NOTCH3: variants seen among roughly 807,000 people sequenced by gnomAD.
NOTCH3 encodes the protein notch receptor 3.
Under a neutral mutation model 213.3 loss-of-function variants are expected in NOTCH3, and 86 were observed. The observed-to-expected ratio is 0.40, with a 90% CI of 0.34 to 0.48. NOTCH3 has a LOEUF of 0.48. Ranked by LOEUF, NOTCH3 falls within the 20% of genes least tolerant of loss-of-function variation. NOTCH3 has a pLI of 0.57. For missense variants in NOTCH3, 2,783 were observed against 3,272.6 expected (o/e 0.85, Z 3.65); for synonymous variants, 1,354 against 1,355.9 (o/e 1.00, Z 0.03).
rs1335669035 is a variant in NOTCH3 at position 15,159,408 on chromosome 19, T to C, written c.*1254A>G. ...ACCAACTGACAACTTTCTTAGCCTC[T>C]CCATTAAAGAAAGTTCTCGAGCAAA... On this transcript the variant is annotated 3_prime_UTR_variant, in exon 33 of 33. Coordinates refer to ENST00000263388, the MANE Select transcript of NOTCH3 (RefSeq NM_000435.3). The C allele has an allele frequency of 5.6e-6, 1 of 177,664 alleles. No homozygotes were observed. The highest frequency in any genetic ancestry group is 9.6e-5 in the East Asian group (1 of 10,446). 11.0% of individuals were successfully genotyped at this position (177,664 alleles called of 1,614,324 possible). A position where few individuals can be genotyped will look rare whatever the true frequency, so the allele number is the denominator to read the frequency against.
At chr19:15,193,461 G>A (rs1221062931) in intron 2 of NOTCH3, among the ~76,000 whole-genome samples, 2 of 151,998 alleles carry the variant, frequency 1.3e-5, no homozygotes, top group Non-Finnish European at 2.9e-5. Flanking sequence ...ATCCACCTGG[G>A]CCCTAAATTC....
In NOTCH3 at chr19:15,177,878, G is replaced by C; in HGVS notation, c.4050C>G (p.Cys1350Trp). Residue 1350 changes from cysteine to tryptophan, a missense_variant, in exon 24 of 33, where the codon TGC becomes TGG. By Grantham distance (215) the Cys-to-Trp change is radical (BLOSUM62 -2). This residue lies in a region of NOTCH3 where 133 missense variants were observed against 201.9 expected (regional missense o/e 0.66). Transcript: ENST00000263388. ...AGAAGGGCGCGAGCGGCGCGGGGCGGCAGGAGCCCCCGTGGAGACAGGGGG... is the reference window on the plus strand; with the variant it reads ...AGAAGGGCGCGAGCGGCGCGGGGCGCCAGGAGCCCCCGTGGAGACAGGGGG... ...AAAPCLHGGS[C>W]RPAPLAPFFR... The C allele has an allele frequency of 8.1e-7, 1 of 1,234,780 alleles. No homozygotes were observed. Among genetic ancestry groups the C allele is most frequent in the Non-Finnish European group, 1.0e-6 (1 of 990,730 alleles). 76.5% of individuals were successfully genotyped at this position (1,234,780 alleles called of 1,614,324 possible). A position where few individuals can be genotyped will look rare whatever the true frequency, so the allele number is the denominator to read the frequency against.
Position 15,160,006 on chromosome 19 carries a change from A to G in NOTCH3, c.*656T>C, listed in dbSNP as rs754043656. 18 of 230,380 alleles carry G rather than the reference A, an allele frequency of 7.8e-5. No homozygotes were observed. The highest frequency in any genetic ancestry group is 1.4e-4 in the Non-Finnish European group (16 of 116,168). The allele number at this position is 230,380 out of a possible 1,614,324, so 14.3% of individuals were successfully genotyped here. A position where few individuals can be genotyped will look rare whatever the true frequency, so the allele number is the denominator to read the frequency against. ...ATGGAACATGTCCCATCTGGAATGC[A>G]GTGAAGTGAGGGAGGTGGGGTGGGG... is the stretch of plus-strand genomic sequence containing the variant. On this transcript the variant is annotated 3_prime_UTR_variant, in exon 33 of 33. Transcript: ENST00000263388.
intron 6 of NOTCH3, among the ~76,000 whole-genome samples, chr19:15,190,270 T>C (rs1047089098): frequency 1.4e-4 from 22 of 152,052 alleles, no homozygotes; most frequent in Non-Finnish European, 1.9e-4. Flanking sequence ...TGAGACTCTG[T>C]CTCAAAAATA....
At chr19:15,184,790 C>T (rs779042913) in intron 15 of NOTCH3, 116 bp downstream of exon 15, 13 of 667,098 alleles carry the variant, frequency 1.9e-5, no homozygotes, top group Non-Finnish European at 3.5e-5. Flanking sequence ...AAGAAGGAAG[C>T]CCCTCTCAAA....
Position 15,190,843 on chromosome 19 carries a change from T to C in NOTCH3, c.1036+581A>G, listed in dbSNP as rs577863488. On this transcript the variant is annotated intron_variant, in intron 6 of 32. Transcript: ENST00000263388. ...CTCAAGCAATCTACCCGCCTGGGCC[T>C]CCCAATGTGTTGGGGTTACAGGCGT... Among the ~76,000 whole-genome samples the C allele has an allele frequency of 4.6e-5, 7 of 152,264 alleles. No homozygotes were observed. The South Asian group carries it at 1.5e-3, about 32-fold the overall frequency.
In NOTCH3 at chr19:15,180,143, C is replaced by G. The variant is rs781765705; in HGVS notation, c.3256G>C (p.Asp1086His). Residue 1086 changes from aspartate (D) to histidine (H), a missense_variant, in exon 20 of 33, where the codon GAC becomes CAC. Transcript: ENST00000263388. ...TGGCAGGGCTGGGCCAAGCAGGGGTCCACCTCCTGCTCACAGTGGCTACCA... is the reference window on the plus strand; with the variant it reads ...TGGCAGGGCTGGGCCAAGCAGGGGTGCACCTCCTGCTCACAGTGGCTACCA... The part of the protein sequence containing the change: ...RTGSHCEQEV[D>H]PCLAQPCQHG... 3.1e-6 allele frequency: 5 copies of G among 1,613,046 alleles called. No individual in the cohort carries two copies. Among genetic ancestry groups the G allele is most frequent in the Non-Finnish European group, 3.4e-6 (4 of 1,179,536 alleles).
At position 15,187,393 on chromosome 19, in the gene NOTCH3, T is replaced by C. The variant is rs540853417; in HGVS notation, c.1607-55A>G. The stretch of plus-strand genomic sequence containing the variant: ...CACTTGCCAGGGGCCTGCCCACAAG[T>C]GAGGCCTCGGACCAATCCTGGTTCA... On this transcript the variant is annotated intron_variant, in intron 10 of 32. Coordinates refer to ENST00000263388, the MANE Select transcript of NOTCH3 (RefSeq NM_000435.3). 1.3e-4 allele frequency: 202 copies of C among 1,517,294 alleles called. 1 individual carries two copies. The highest frequency in any genetic ancestry group is 1.7e-4 in the Non-Finnish European group (193 of 1,105,018). 94.0% of individuals were successfully genotyped at this position (1,517,294 alleles called of 1,614,324 possible). A position where few individuals can be genotyped will look rare whatever the true frequency, so the allele number is the denominator to read the frequency against.
Position 15,180,982 on chromosome 19 carries a change from G to T in NOTCH3, c.2973C>A (p.Ser991Arg). The change falls in exon 18 of 33, where the codon AGC becomes AGA. Residue 991 changes from serine (S) to arginine (R), a missense_variant. By Grantham distance (110) the Ser-to-Arg change is moderately radical. This residue lies in a region of NOTCH3 where 861 missense variants were observed against 909.1 expected (regional missense o/e 0.95). Coordinates refer to ENST00000263388, the MANE Select transcript of NOTCH3 (RefSeq NM_000435.3). ...HPGFRCTCLE[S>R]FTGPQCQTLV... The stretch of plus-strand genomic sequence containing the variant: ...CCACCTGGCACTGCGGGCCCGTGAA[G>T]CTCTCGAGGCAGGTGCAGCGGAAGC... 6.3e-7 allele frequency: 1 copy of T among 1,596,182 alleles called. No individual in the cohort carries two copies.
At position 15,186,940 on chromosome 19, in the gene NOTCH3, G is replaced by A. The variant is rs1014927149; in HGVS notation, c.1889C>T (p.Thr630Ile). ...NIDDCASNPC[T>I]FGVCRDGINR... ...GATGCCATCACGGCAGACTCCAAAG[G>A]TGCAGGGGTTGCTGGCACAGTCGTC... is the stretch of plus-strand genomic sequence containing the variant. Residue 630 changes from threonine (T) to isoleucine (I), a missense_variant, in exon 12 of 33, where the codon ACC becomes ATC. Transcript: ENST00000263388. 3 of 1,614,194 alleles carry A rather than the reference G, an allele frequency of 1.9e-6. No individual in the cohort carries two copies. Among genetic ancestry groups the A allele is most frequent in the Non-Finnish European group, 2.5e-6 (3 of 1,180,048 alleles).
At position 15,165,780 on chromosome 19, in the gene NOTCH3, A is replaced by T; in HGVS notation, c.5667+7T>A. The T allele has an allele frequency of 6.2e-6, 10 of 1,610,658 alleles. No individual in the cohort carries two copies. Among genetic ancestry groups the T allele is most frequent in the Non-Finnish European group, 8.5e-6 (10 of 1,179,944 alleles). On this transcript the variant is annotated splice_region_variant and intron_variant, in intron 30 of 32. Coordinates refer to ENST00000263388, the MANE Select transcript of NOTCH3 (RefSeq NM_000435.3). The surrounding 1 kb of genome is among the most constrained non-coding windows in gnomAD (Gnocchi z 4.7). ...GCTCTGAGGTCCAAAGTGTGTGCCT[A>T]TCTCACCTGGAAGACACCCTGGGCA...
rs2046928380 is a variant in NOTCH3, at chr19:15,191,739, G to C, written c.802+6C>G. 15 of 1,613,636 alleles carry C rather than the reference G, an allele frequency of 9.3e-6. No individual in the cohort carries two copies. Among genetic ancestry groups the C allele is most frequent in the Non-Finnish European group, 1.2e-5 (14 of 1,180,036 alleles). ...CCTCCCCGCTCCCTCTGGCCGCAGT[G>C]CCCACCTGTCCACTCAGGAGGGCAC... On this transcript the variant is annotated splice_donor_region_variant and intron_variant, in intron 5 of 32. Transcript: ENST00000263388.
intron 16 of NOTCH3, among the ~76,000 whole-genome samples, chr19:15,183,322 C>A (rs929234929): frequency 6.6e-6 from 1 of 151,988 alleles, no homozygotes; most frequent in Admixed American, 6.6e-5. Context: ...TTTAATGTGG[C>A]TACTAGAAAA....
At chr19:15,176,765 A>G (rs2046793408) in intron 24 of NOTCH3, among the ~76,000 whole-genome samples, 1 of 129,900 alleles carries the variant, frequency 7.7e-6, no homozygotes, top group Non-Finnish European at 1.7e-5. Context: ...CCTGTCTTAA[A>G]AAAAAAAAAA....
chr19:15,165,604 C>T lies in NOTCH3; in HGVS notation c.5668-89G>A. On this transcript the variant is annotated intron_variant, in intron 30 of 32. Transcript: ENST00000263388. The surrounding 1 kb of genome is among the most constrained non-coding windows in gnomAD (Gnocchi z 4.7). ...CTAAGTCCCATGAAGTCCCCAACCC[C>T]CATACCCCAACCCCTGAAATTGGTG... The T allele has an allele frequency of 7.0e-7, 1 of 1,431,836 alleles. No individual in the cohort carries two copies. Among genetic ancestry groups the T allele is most frequent in the Non-Finnish European group, 9.5e-7 (1 of 1,054,924 alleles). The allele number at this position is 1,431,836 out of a possible 1,614,324, so 88.7% of individuals were successfully genotyped here.
chr19:15,166,246 C>T (rs1357929182), intron 29 of NOTCH3, among the ~76,000 whole-genome samples, 155 bp from the exon 30 acceptor site: 1 of 152,120 alleles, frequency 6.6e-6, no homozygotes, highest in Non-Finnish European at 1.5e-5. Context: ...AATGAGGATT[C>T]GTGGGCACGT....
At chr19:15,193,113 G>C (rs1473118694) in intron 2 of NOTCH3, among the ~76,000 whole-genome samples, 1 of 152,050 alleles carries the variant, frequency 6.6e-6, no homozygotes, top group African/African-American at 2.4e-5. Context: ...GGCAGGGGGC[G>C]GTGAAAGCCA....
intron 20 of NOTCH3, among the ~76,000 whole-genome samples, 192 bp downstream of exon 20, chr19:15,179,880 C>CA (rs1376555809): frequency 1.3e-5 from 2 of 151,846 alleles, no homozygotes; most frequent in African/African-American, 2.4e-5. Context: ...GAACCTGTCT[C>CA]AAAAAAACAA....
At chr19:15,178,369 A>C (rs2046810145) in intron 23 of NOTCH3, 1 of 481,508 alleles carries the variant, frequency 2.1e-6, no homozygotes, top group Non-Finnish European at 3.7e-6. Context: ...TCAAACCTCC[A>C]GGAAATGTCG....
Sources: allele counts gnomAD v4.1 joint callset (sites outside exome capture counted in the v4.1 genomes callset), GRCh38; gene constraint gnomAD v4.1.1; regional missense constraint gnomAD v4.1.1; non-coding constraint Gnocchi (gnomAD v3.1); transcripts MANE v1.5; gene names NCBI Gene and HGNC (gene_info 2026-07-23, HGNC 2026-07-21).